SHPRH: variants seen among roughly 807,000 people sequenced by gnomAD.
The protein encoded by SHPRH is SNF2 histone linker PHD RING helicase.
SHPRH carries 106 observed loss-of-function variants against 202.5 expected under a neutral mutation model. The observed-to-expected ratio is 0.52, with a 90% CI of 0.45 to 0.62. The LOEUF is 0.62. Among genes scored for constraint, SHPRH ranks in the 20% least tolerant of loss-of-function variants. The pLI is 0.00. For synonymous variants in SHPRH, 729 were observed against 686.0 expected, an observed-to-expected ratio of 1.06 and a Z score of -0.98; for missense variants, 1,710 against 2,020.0, an observed-to-expected ratio of 0.85 and a Z score of 2.94.
At chr6:145,934,180 A>T (rs1026751811) in intron 13 of SHPRH, among the ~76,000 whole-genome samples, 8 of 152,000 alleles carry the variant, frequency 5.3e-5, no homozygotes, top group Admixed American at 5.2e-4. Context: ...CTCTACAAAA[A>T]CATAAAACAG....
chr6:145,907,938 C>T (rs1783121044), intron 25 of SHPRH: 1 of 152,034 alleles, frequency 6.6e-6, no homozygotes, highest in African/African-American at 2.4e-5. Flanking sequence ...CCCAACAAGC[C>T]CTGGTGTGTG....
intron 28 of SHPRH, among the ~76,000 whole-genome samples, chr6:145,889,754 A>G (rs1347022514): frequency 6.6e-6 from 1 of 152,180 alleles, no homozygotes; most frequent in Non-Finnish European, 1.5e-5. Flanking sequence ...CATTTCAGTT[A>G]AGGGATGCTC....
intron 6 of SHPRH, among the ~76,000 whole-genome samples, chr6:145,946,630 TATA>T (rs1027827332): frequency 6.6e-6 from 1 of 152,022 alleles, no homozygotes; most frequent in African/African-American, 2.4e-5. Flanking sequence ...CCATTGAATT[TATA>T]ATAATATGAA....
chr6:145,933,640 C>G (rs1173290069), intron 13 of SHPRH, among the ~76,000 whole-genome samples: 2 of 152,190 alleles, frequency 1.3e-5, no homozygotes, highest in Non-Finnish European at 2.9e-5. Flanking sequence ...CGGACTCTAA[C>G]TGTACACAGC....
intron 10 of SHPRH, 55 bp downstream of exon 10, chr6:145,941,567 TA>T: frequency 6.3e-7 from 1 of 1,598,692 alleles, no homozygotes; most frequent in Non-Finnish European, 8.5e-7. Flanking sequence ...CAAGGTCCCC[TA>T]ATTCCTTTTC....
rs774712618 is a variant in SHPRH, at chr6:145,943,527, T to C, written c.1854A>G (p.Thr618=). ...GITDVAMSKS[T]CISEFNQEHE... ...GTTCTTGGTTGAATTCAGAGATACA[T>C]GTACTTTTAGACATAGCAACATCAG... The change falls in exon 9 of 30, where the codon ACA becomes ACG. Residue 618 remains threonine (T), a synonymous_variant. Coordinates refer to ENST00000275233, the MANE Select transcript of SHPRH (RefSeq NM_001042683.3). 3.1e-6 allele frequency: 5 copies of C among 1,614,054 alleles called. No homozygotes were observed. The highest frequency in any genetic ancestry group is 1.1e-5 in the South Asian group (1 of 91,086).
At chr6:145,879,605 T>G (rs941863897) in intron 2 of SHPRH, among the ~76,000 whole-genome samples, 7 of 152,138 alleles carry the variant, frequency 4.6e-5, no homozygotes, top group Non-Finnish European at 2.9e-5. Context: ...GCCTCTTCTG[T>G]ATTCAGTAGA....
At chr6:145,934,509 A>AAATAAAATAAAATAAAAT (rs1785848584) in intron 13 of SHPRH, among the ~76,000 whole-genome samples, 1 of 151,414 alleles carries the variant, frequency 6.6e-6, no homozygotes. Flanking sequence ...AAATAAAATA[A>AAATAAAATAAAATAAAAT]AAAGTAGCTG....
chr6:145,866,081 C>T (rs1376253396), intron 2 of SHPRH, among the ~76,000 whole-genome samples: 1 of 152,236 alleles, frequency 6.6e-6, no homozygotes, highest in African/African-American at 2.4e-5. Flanking sequence ...AAATTCTGTC[C>T]TGTGCACCAC....
chr6:145,921,483 G>T, intron 20 of SHPRH, 91 bp from the exon 21 acceptor site: 1 of 1,286,118 alleles, frequency 7.8e-7, no homozygotes, highest in Non-Finnish European at 1.1e-6. Flanking sequence ...ATGTTTGCAA[G>T]TCTTTGGAAA....
chr6:145,933,210 A>C, intron 13 of SHPRH, 32 bp from the exon 14 acceptor site: 15 of 1,613,386 alleles, frequency 9.3e-6, no homozygotes, highest in Non-Finnish European at 1.3e-5. Context: ...TCAAAACTAG[A>C]AAGAAAATCC....
rs1035862705 is a variant in SHPRH at position 145,948,344 on chromosome 6, G to A, written c.989C>T (p.Ala330Val). 1.9e-6 allele frequency: 3 copies of A among 1,596,812 alleles called. No individual in the cohort carries two copies. The highest frequency in any genetic ancestry group is 2.7e-5 in the African/African-American group (2 of 74,118). Reference sequence around the variant, plus strand: ...AATCTCTCGCCATAAGAAGTGCAGGGCACTTTCTAAAGAAAAATATAATCA... The same window carrying A: ...AATCTCTCGCCATAAGAAGTGCAGGACACTTTCTAAAGAAAAATATAATCA... ...CFRSSPATESALHFLWREIVT... is the reference protein window; with the variant it reads ...CFRSSPATESVLHFLWREIVT... Residue 330 changes from alanine (A) to valine (V), a missense_variant, in exon 5 of 30, where the codon GCC (alanine) becomes GTC (valine). Ala to Val is a moderately conservative substitution (Grantham distance 64). Transcript: ENST00000275233.
chr6:145,943,637 G>A lies in SHPRH; in HGVS notation c.1744C>T (p.Pro582Ser). ...NRSKLRKKLV[P>S]STKKGKSQPF... ...TGACTTTTTCCTTTTTTTGTGGATG[G>A]AACAAGCTTTTTCCTCAATTTACTG... Residue 582 changes from proline to serine, a missense_variant, in exon 9 of 30, where the codon CCA (proline) becomes TCA (serine). Around this residue, in one of 8 missense-constraint regions of SHPRH, gnomAD observed 348 missense variants for 356.9 expected, o/e 0.97. Transcript: ENST00000275233. The A allele has an allele frequency of 6.2e-7, 1 of 1,613,768 alleles. No homozygotes were observed. The highest frequency in any genetic ancestry group is 2.2e-5 in the East Asian group (1 of 44,860).
At chr6:145,940,847 C>T in intron 10 of SHPRH, 46 bp from the exon 11 acceptor site, 1 of 1,595,654 alleles carries the variant, frequency 6.3e-7, no homozygotes, top group Non-Finnish European at 8.6e-7. Context: ...CAGAAAACCA[C>T]AGAAAGAACA....
At chr6:145,877,879 C>A (rs1780375493) in intron 2 of SHPRH, 1 of 152,196 alleles carries the variant, frequency 6.6e-6, no homozygotes, top group South Asian at 2.1e-4. Context: ...TGGAAGGCCC[C>A]ACTTTGAGTT....
chr6:145,871,055 CA>C (rs1340956843), intron 2 of SHPRH: 2 of 152,080 alleles, frequency 1.3e-5, no homozygotes, highest in Non-Finnish European at 2.9e-5. Context: ...GAACATACCT[CA>C]AAATAATAAG....
chr6:145,954,525 TA>T (rs1304630546), intron 2 of SHPRH, among the ~76,000 whole-genome samples, 164 bp downstream of exon 2: 3 of 152,120 alleles, frequency 2.0e-5, no homozygotes, highest in African/African-American at 7.2e-5. Context: ...TGAAAATGAT[TA>T]GTTGTAACAT....
At chr6:145,950,655 C>T (rs1787882827) in intron 3 of SHPRH, among the ~76,000 whole-genome samples, 173 bp from the exon 4 acceptor site, 1 of 152,080 alleles carries the variant, frequency 6.6e-6, no homozygotes, top group Non-Finnish European at 1.5e-5. Flanking sequence ...TCTACTCATC[C>T]ATTCTTCAAG....
intron 2 of SHPRH, 61 bp downstream of exon 2, chr6:145,954,629 T>C: frequency 1.3e-6 from 2 of 1,500,430 alleles, no homozygotes; most frequent in Non-Finnish European, 8.9e-7. Flanking sequence ...CACAAGTTAA[T>C]TTAAAATTGG....
Sources: allele counts gnomAD v4.1 joint callset (sites outside exome capture counted in the v4.1 genomes callset), GRCh38; gene constraint gnomAD v4.1.1; regional missense constraint gnomAD v4.1.1; transcripts MANE v1.5; gene names NCBI Gene and HGNC (gene_info 2026-07-23, HGNC 2026-07-21).